STAU2: variants seen among roughly 807,000 people sequenced by gnomAD.
The protein encoded by STAU2 is double-stranded RNA-binding protein Staufen homolog 2.
In STAU2, 20 loss-of-function variants were observed where a neutral mutation model predicts 65.9. That is an observed-to-expected ratio of 0.30 (90% CI 0.21 to 0.44). The LOEUF (loss-of-function observed/expected upper bound fraction) is 0.44, where lower values mean the gene tolerates loss of function less well. STAU2 is among the 20% of genes least tolerant of loss of function. STAU2 has a pLI of 1.00. For missense variants in STAU2, 558 were observed against 683.9 expected, an observed-to-expected ratio of 0.82 and a Z score of 2.05; for synonymous variants, 232 against 233.9, an observed-to-expected ratio of 0.99 and a Z score of 0.07.
intron 12 of STAU2, among the ~76,000 whole-genome samples, chr8:73,562,139 T>C (rs1001511723): frequency 1.3e-5 from 2 of 152,224 alleles, no homozygotes; most frequent in African/African-American, 4.8e-5. Context: ...CATTTCTTCA[T>C]TTCAGACCTA....
intron 4 of STAU2, among the ~76,000 whole-genome samples, chr8:73,695,856 G>A (rs6997227): frequency 0.2 from 30,935 of 152,062 alleles, 3,525 homozygotes; most frequent in East Asian, 0.37. Flanking sequence ...CACAATAGAA[G>A]AAAACATCAG....
chr8:73,446,004 T>C (rs1300599650), intron 13 of STAU2, among the ~76,000 whole-genome samples: 2 of 152,212 alleles, frequency 1.3e-5, no homozygotes, highest in Non-Finnish European at 2.9e-5. Flanking sequence ...TGAAAATTTA[T>C]ATCCATAAAA....
At chr8:73,450,867 G>A (rs1413564770) in intron 13 of STAU2, among the ~76,000 whole-genome samples, 16 of 152,162 alleles carry the variant, frequency 1.1e-4, no homozygotes, top group Admixed American at 1.0e-3. Flanking sequence ...AGACATCTCA[G>A]GGTGTGGTTG....
intron 1 of STAU2, among the ~76,000 whole-genome samples, chr8:73,741,922 C>G (rs1806913174): frequency 6.6e-6 from 1 of 152,228 alleles, no homozygotes; most frequent in South Asian, 2.1e-4. Flanking sequence ...TAAGCCTTTT[C>G]TTTACAATAT....
chr8:73,539,819 G>A (rs1396752958), intron 13 of STAU2, among the ~76,000 whole-genome samples: 1 of 150,888 alleles, frequency 6.6e-6, no homozygotes, highest in Non-Finnish European at 1.5e-5. Context: ...CTCCAGCCCT[G>A]GGCGACAGAG....
chr8:73,725,357 C>T (rs534883417), intron 3 of STAU2, among the ~76,000 whole-genome samples: 1 of 152,202 alleles, frequency 6.6e-6, no homozygotes, highest in African/African-American at 2.4e-5. Context: ...AAATATCATT[C>T]CACTTCATGT....
chr8:73,463,078 G>A (rs1452029784), intron 13 of STAU2, among the ~76,000 whole-genome samples: 1 of 152,162 alleles, frequency 6.6e-6, no homozygotes, highest in Non-Finnish European at 1.5e-5. Context: ...AGCAGAATCT[G>A]GTAGACTTGG....
chr8:73,521,464 A>G (rs1460710386), intron 13 of STAU2, among the ~76,000 whole-genome samples: 1 of 152,228 alleles, frequency 6.6e-6, no homozygotes, highest in Non-Finnish European at 1.5e-5. Context: ...ATATGTATGT[A>G]TACGGTAAAC....
intron 13 of STAU2, among the ~76,000 whole-genome samples, chr8:73,485,926 G>A (rs1287109333): frequency 6.6e-6 from 1 of 152,086 alleles, no homozygotes; most frequent in Non-Finnish European, 1.5e-5. Context: ...AAATAGTCAG[G>A]AAAGCCCAAG....
At chr8:73,675,206 C>T (rs567827109) in intron 5 of STAU2, among the ~76,000 whole-genome samples, 6 of 152,092 alleles carry the variant, frequency 3.9e-5, no homozygotes, top group South Asian at 2.1e-4. Flanking sequence ...GTTGGGTCAA[C>T]GATGAAATCA....
In STAU2 at chr8:73,524,260, G is replaced by C. The variant is rs369774011; in HGVS notation, c.1530+27752C>G. Among the ~76,000 whole-genome samples, 94 of 152,240 alleles carry C rather than the reference G, an allele frequency of 6.2e-4. No individual in the cohort carries two copies. In the South Asian group the frequency reaches 0.018, roughly 30 times the overall value. ...CATGTGACGGGGACTAGGGGTTCAA[G>C]GAAAGCTCCAAGGATGGTCTGAGCA... is the stretch of plus-strand genomic sequence containing the variant. On this transcript the variant is annotated intron_variant, in intron 13 of 14. Coordinates refer to ENST00000524300, the MANE Select transcript of STAU2 (RefSeq NM_001164380.2).
intron 10 of STAU2, among the ~76,000 whole-genome samples, chr8:73,602,210 T>C (rs1032019362): frequency 1.3e-5 from 2 of 152,168 alleles, no homozygotes; most frequent in Non-Finnish European, 1.5e-5. Flanking sequence ...TACTGAAAGA[T>C]AAAGAAACAT....
chr8:73,506,756 A>G (rs1822092710), intron 13 of STAU2, among the ~76,000 whole-genome samples: 1 of 152,154 alleles, frequency 6.6e-6, no homozygotes, highest in African/African-American at 2.4e-5. Flanking sequence ...CTGTTTGATA[A>G]TATTTTACCC....
intron 6 of STAU2, chr8:73,668,889 T>C: frequency 1.7e-6 from 1 of 580,500 alleles, no homozygotes; most frequent in East Asian, 2.8e-5. Context: ...CAGTAGAGGG[T>C]GGTAAAACAG....
chr8:73,553,217 T>C (rs1330882163), intron 12 of STAU2, among the ~76,000 whole-genome samples: 1 of 152,224 alleles, frequency 6.6e-6, no homozygotes, highest in Non-Finnish European at 1.5e-5. Context: ...TATCAATAAC[T>C]CTCAAATGAT....
At chr8:73,500,696 A>G (rs1057427240) in intron 13 of STAU2, among the ~76,000 whole-genome samples, 3 of 151,992 alleles carry the variant, frequency 2.0e-5, no homozygotes, top group African/African-American at 7.2e-5. Context: ...AAAATTGCAC[A>G]GTATATTTTA....
chr8:73,637,562 T>C (rs1057129956), intron 6 of STAU2, among the ~76,000 whole-genome samples: 1 of 149,152 alleles, frequency 6.7e-6, no homozygotes, highest in African/African-American at 2.5e-5. Flanking sequence ...TGAAAATATC[T>C]TCAAAACTGA....
intron 13 of STAU2, among the ~76,000 whole-genome samples, chr8:73,464,757 A>C (rs1819558877): frequency 6.6e-6 from 1 of 152,280 alleles, no homozygotes; most frequent in Non-Finnish European, 1.5e-5. Context: ...AAGGAATCCA[A>C]ATTGAATATA....
chr8:73,747,068 T>C, upstream of STAU2: 2 of 237,188 alleles, frequency 8.4e-6, no homozygotes, highest in Non-Finnish European at 7.7e-6. Context: ...AGCGCGGCCA[T>C]TGTTCGCGAC....
Sources: gnomAD v4.1 joint callset for allele counts (sites outside exome capture counted in the v4.1 genomes callset) on GRCh38, gnomAD v4.1.1 for gene constraint, MANE v1.5 for transcripts, NCBI Gene and HGNC (gene_info 2026-07-23, HGNC 2026-07-21) for gene names.